The following NEGR1 variants were observed in gnomAD, a reference collection of about 807,000 sequenced individuals.
The protein encoded by NEGR1 is neuronal growth regulator 1.
In NEGR1, 10 loss-of-function variants were observed where a neutral mutation model predicts 40.9. The ratio of observed to expected loss-of-function variants is 0.24; its 90% CI spans 0.15 to 0.42. NEGR1 has a LOEUF of 0.42. Among genes scored for constraint, NEGR1 ranks in the 10% least tolerant of loss-of-function variants. NEGR1 has a pLI of 1.00. For missense variants in NEGR1, 352 were observed against 438.9 expected (o/e 0.80, Z 1.77); for synonymous variants, 185 against 166.8 (o/e 1.11, Z -0.84).
At position 72,261,576 on chromosome 1, in the gene NEGR1, C is replaced by G. The variant is rs1309753576; in HGVS notation, c.176+20743G>C. Reference sequence around the variant, plus strand: ...TTTATAAAACTTTTTTTTCCATGAACAAAATTTCATTGAGCACAAATTGTG... The same window carrying G: ...TTTATAAAACTTTTTTTTCCATGAAGAAAATTTCATTGAGCACAAATTGTG... On this transcript the variant is annotated intron_variant, in intron 1 of 6. Coordinates refer to ENST00000357731, the MANE Select transcript of NEGR1 (RefSeq NM_173808.3). 3.3e-5 allele frequency among the ~76,000 whole-genome samples: 5 copies of G among 151,904 alleles called. No homozygotes were observed. In the East Asian group the frequency reaches 9.7e-4, roughly 29 times the overall value.
chr1:71,632,387 T>TA (rs1205627613), intron 4 of NEGR1, among the ~76,000 whole-genome samples: 2 of 151,390 alleles, frequency 1.3e-5, no homozygotes, highest in Admixed American at 1.3e-4. Flanking sequence ...CATTGTTTAC[T>TA]ATGTACTCAA....
At chr1:72,016,916 T>C (rs535572286) in intron 1 of NEGR1, among the ~76,000 whole-genome samples, 1 of 152,328 alleles carries the variant, frequency 6.6e-6, no homozygotes, top group Admixed American at 6.5e-5. Flanking sequence ...TTTAGCTTCT[T>C]TGGCAACCTT....
chr1:71,591,090 T>C (rs1649483009), intron 6 of NEGR1, among the ~76,000 whole-genome samples: 1 of 152,124 alleles, frequency 6.6e-6, no homozygotes, highest in Admixed American at 6.6e-5. Context: ...ATACCAGGGG[T>C]TCTGAATATA....
intron 1 of NEGR1, among the ~76,000 whole-genome samples, chr1:72,237,459 G>T (rs1654587352): frequency 6.6e-6 from 1 of 151,892 alleles, no homozygotes; most frequent in African/African-American, 2.4e-5. Flanking sequence ...TTGGGGGTTT[G>T]TTTCCTAGTT....
At chr1:71,613,645 A>C (rs1650345173) in intron 4 of NEGR1, among the ~76,000 whole-genome samples, 1 of 150,964 alleles carries the variant, frequency 6.6e-6, no homozygotes, top group Admixed American at 6.6e-5. Flanking sequence ...ACCAAAGCGA[A>C]ACTCCATCTC....
At chr1:71,845,633 T>C (rs1659378701) in intron 2 of NEGR1, among the ~76,000 whole-genome samples, 1 of 152,162 alleles carries the variant, frequency 6.6e-6, no homozygotes, top group African/African-American at 2.4e-5. Flanking sequence ...TCTTCTTATC[T>C]CCACTTTTAA....
chr1:71,785,261 C>A (rs1656869892), intron 2 of NEGR1, among the ~76,000 whole-genome samples: 1 of 152,182 alleles, frequency 6.6e-6, no homozygotes, highest in African/African-American at 2.4e-5. Flanking sequence ...ACAATGCCTG[C>A]ATAATTCAGT....
Position 72,170,623 on chromosome 1 carries a change from C to T in NEGR1, c.176+111696G>A, listed in dbSNP as rs57258041. Among the ~76,000 whole-genome samples the T allele has an allele frequency of 5.7e-3, 870 of 152,252 alleles. 13 individuals are homozygous for T. The highest frequency in any genetic ancestry group is 0.02 in the African/African-American group (831 of 41,568). On this transcript the variant is annotated intron_variant, in intron 1 of 6. Transcript: ENST00000357731. Reference sequence around the variant, plus strand: ...TCCTTGCAAGTCCTATGTTGATTTTCAATGAGCAACAGAGCAAATTCATTT... The same window carrying T: ...TCCTTGCAAGTCCTATGTTGATTTTTAATGAGCAACAGAGCAAATTCATTT...
intron 1 of NEGR1, among the ~76,000 whole-genome samples, chr1:72,056,955 T>C (rs1385644874): frequency 1.3e-5 from 2 of 151,530 alleles, no homozygotes; most frequent in African/African-American, 4.8e-5. Context: ...TGAGGTACAG[T>C]CTTTCCCAAA....
At chr1:71,990,902 A>C (rs1232569975) in intron 1 of NEGR1, among the ~76,000 whole-genome samples, 1 of 123,516 alleles carries the variant, frequency 8.1e-6, no homozygotes, top group African/African-American at 2.9e-5. Flanking sequence ...GTAGGCATAT[A>C]CATATATATA....
At chr1:72,065,528 C>T (rs1295743442) in intron 1 of NEGR1, among the ~76,000 whole-genome samples, 1 of 152,048 alleles carries the variant, frequency 6.6e-6, no homozygotes, top group East Asian at 1.9e-4. Flanking sequence ...GAACAGAGCA[C>T]CTTCTCCACA....
At position 72,196,758 on chromosome 1, in the gene NEGR1, C is replaced by T. The variant is rs537293833; in HGVS notation, c.176+85561G>A. ...CAGCCTTGGAGTGCAAAGAGAGACT[C>T]CATTAAAAAAAAAAAAAAATCACTA... On this transcript the variant is annotated intron_variant, in intron 1 of 6. Coordinates refer to ENST00000357731, the MANE Select transcript of NEGR1 (RefSeq NM_173808.3). Among the ~76,000 whole-genome samples, 40 of 132,206 alleles carry T rather than the reference C, an allele frequency of 3.0e-4. No homozygotes were observed. The East Asian group carries it at 7.8e-3, about 26-fold the overall frequency. The allele number at this position is 132,206 out of a possible 152,430, so 86.7% of individuals were successfully genotyped here.
intron 2 of NEGR1, among the ~76,000 whole-genome samples, chr1:71,863,387 G>A (rs903414867): frequency 6.6e-6 from 1 of 152,110 alleles, no homozygotes; most frequent in Non-Finnish European, 1.5e-5. Flanking sequence ...ATAAGTGGGA[G>A]ATGACTGATG....
intron 1 of NEGR1, among the ~76,000 whole-genome samples, chr1:72,260,342 C>A (rs2100544337): frequency 6.6e-6 from 1 of 152,194 alleles, no homozygotes; most frequent in Middle Eastern, 3.4e-3. Flanking sequence ...AAGGATATTT[C>A]TGAACAGAAA....
intron 2 of NEGR1, among the ~76,000 whole-genome samples, chr1:71,831,350 T>C (rs999017376): frequency 6.6e-6 from 1 of 151,868 alleles, no homozygotes; most frequent in African/African-American, 2.4e-5. Context: ...AGGTGTTAGA[T>C]TGTTTGAGTG....
intron 6 of NEGR1, among the ~76,000 whole-genome samples, chr1:71,560,576 A>C (rs1164924624): frequency 6.6e-6 from 1 of 150,762 alleles, no homozygotes; most frequent in Non-Finnish European, 1.5e-5. Flanking sequence ...TTCAACTCCA[A>C]ATTGTGTGAG....
chr1:71,945,556 T>C (rs1243777286), intron 1 of NEGR1, among the ~76,000 whole-genome samples: 6 of 152,158 alleles, frequency 3.9e-5, no homozygotes, highest in Admixed American at 2.6e-4. Flanking sequence ...AATTGTCATA[T>C]GTAAAAGTAC....
rs115860945 is a variant in NEGR1, at chr1:71,872,681, A to G, written c.409+62398T>C. On this transcript the variant is annotated intron_variant, in intron 2 of 6. Transcript: ENST00000357731. Reference sequence around the variant, plus strand: ...AGAAAATTAACAGTGTCTTAAGACCACCATATAGTTTAGCACATTTTGACA... The same window carrying G: ...AGAAAATTAACAGTGTCTTAAGACCGCCATATAGTTTAGCACATTTTGACA... Among the ~76,000 whole-genome samples, 131 of 152,314 alleles carry G rather than the reference A, an allele frequency of 8.6e-4. 1 individual carries two copies. The highest frequency in any genetic ancestry group is 1.5e-3 in the Non-Finnish European group (99 of 68,036).
At chr1:71,627,850 C>T (rs900821247) in intron 4 of NEGR1, among the ~76,000 whole-genome samples, 1 of 151,966 alleles carries the variant, frequency 6.6e-6, no homozygotes, top group Admixed American at 6.6e-5. Flanking sequence ...AATAAACTGT[C>T]TAAAATGAAT....
Sources: allele counts gnomAD v4.1 joint callset (sites outside exome capture counted in the v4.1 genomes callset), GRCh38; gene constraint gnomAD v4.1.1; transcripts MANE v1.5; gene names NCBI Gene and HGNC (gene_info 2026-07-23, HGNC 2026-07-21).